LARP1: variants seen among roughly 807,000 people sequenced by gnomAD.
LARP1 encodes the protein La ribonucleoprotein 1, translational regulator, also known as la-related protein 1.
A neutral mutation model predicts 122.7 loss-of-function variants in LARP1; 36 were observed. The observed-to-expected ratio is 0.29, with a 90% CI of 0.22 to 0.39. LARP1 has a LOEUF of 0.39. Ranked by LOEUF, LARP1 falls within the 10% of genes least tolerant of loss-of-function variation. The pLI is 1.00. For missense variants in LARP1, 1,040 were observed against 1,403.6 expected, an observed-to-expected ratio of 0.74 and a Z score of 4.14; for synonymous variants, 539 against 528.7, an observed-to-expected ratio of 1.02 and a Z score of -0.27.
At chr5:154,749,933 A>G (rs758091549) in intron 1 of LARP1, among the ~76,000 whole-genome samples, 7 of 152,218 alleles carry the variant, frequency 4.6e-5, no homozygotes, top group Non-Finnish European at 1.0e-4. Context: ...TCCCCCTCCA[A>G]TAGAATAAAA....
chr5:154,808,825 C>T (rs1759007825), intron 16 of LARP1, among the ~76,000 whole-genome samples: 1 of 152,180 alleles, frequency 6.6e-6, no homozygotes, highest in East Asian at 1.9e-4. Flanking sequence ...CCCTGTCCCC[C>T]ACCCATCTGG....
At chr5:154,706,221 GA>G in intron 1 of LARP1, among the ~76,000 whole-genome samples, 1 of 151,930 alleles carries the variant, frequency 6.6e-6, no homozygotes, top group East Asian at 1.9e-4. Flanking sequence ...TTGAACCTGA[GA>G]GGCAGAGGTT....
chr5:154,792,646 A>T lies in LARP1; in HGVS notation c.589A>T (p.Thr197Ser), dbSNP rs1582426890. ...GCCACAGTCCCACAAGCCTCAGCCT[A>T]CCCGTAAACTGCCACCCAAGAAGGA... ...VQPQSHKPQP[T>S]RKLPPKKDMK... Residue 197 changes from threonine (T) to serine (S), a missense_variant, in exon 4 of 19, where the codon ACC (threonine) becomes TCC (serine). By Grantham distance (58) the Thr-to-Ser change is moderately conservative. This residue lies in a region of LARP1 where 257 missense variants were observed against 273.3 expected (regional missense o/e 0.94). Coordinates refer to ENST00000518297, the MANE Select transcript of LARP1 (RefSeq NM_033551.3). 1 of 1,614,114 alleles carries T rather than the reference A, an allele frequency of 6.2e-7. No individual in the cohort carries two copies. The highest frequency in any genetic ancestry group is 8.5e-7 in the Non-Finnish European group (1 of 1,179,992).
chr5:154,781,803 C>T (rs76817289), intron 1 of LARP1, among the ~76,000 whole-genome samples: 9,510 of 152,238 alleles, frequency 0.062, 402 homozygotes, highest in Middle Eastern at 0.092. Context: ...GTGTGTTTTA[C>T]GTGTGGCCCA....
At chr5:154,790,250 G>A in intron 1 of LARP1, 75 bp from the exon 2 acceptor site, 1 of 1,273,404 alleles carries the variant, frequency 7.9e-7, no homozygotes. Flanking sequence ...TGGGGACGGT[G>A]ATGAGGGTGA....
rs1759490358 is a variant in LARP1 at position 154,813,961 on chromosome 5, G to A, written c.3156G>A (p.Lys1052=). The A allele has an allele frequency of 6.2e-7, 1 of 1,613,964 alleles. No homozygotes were observed. Among genetic ancestry groups the A allele is most frequent in the African/African-American group, 1.3e-5 (1 of 74,884 alleles). Residue 1052 remains lysine, a synonymous_variant, in exon 19 of 19, where the codon AAG becomes AAA. Coordinates refer to ENST00000518297, the MANE Select transcript of LARP1 (RefSeq NM_033551.3). ...VAGGGGGEGR[K]RCPSQSSSRP... ...GAGGTGGCGGCGGTGAGGGCAGGAA[G>A]CGGTGCCCCTCCCAGTCTTCCAGCA...
chr5:154,701,244 C>T (rs1014146457), intron 1 of LARP1, among the ~76,000 whole-genome samples: 2 of 152,194 alleles, frequency 1.3e-5, no homozygotes, highest in Non-Finnish European at 1.5e-5. Flanking sequence ...AGCTAAGTAA[C>T]GCCCCATTGC....
At chr5:154,731,192 A>G (rs773685143) in intron 1 of LARP1, among the ~76,000 whole-genome samples, 3 of 151,920 alleles carry the variant, frequency 2.0e-5, no homozygotes, top group Non-Finnish European at 2.9e-5. Flanking sequence ...GTGAAAGGAG[A>G]AAAAAAACAC....
At chr5:154,810,988 G>A (rs1269699611) in intron 16 of LARP1, among the ~76,000 whole-genome samples, 1 of 152,170 alleles carries the variant, frequency 6.6e-6, no homozygotes, top group Non-Finnish European at 1.5e-5. Context: ...GTAGCAGAAA[G>A]CAACCATAGA....
At chr5:154,742,895 G>A (rs1752977310) in intron 1 of LARP1, among the ~76,000 whole-genome samples, 1 of 152,134 alleles carries the variant, frequency 6.6e-6, no homozygotes, top group South Asian at 2.1e-4. Flanking sequence ...GAACTGGAAA[G>A]CAGCCCTTTT....
intron 8 of LARP1, among the ~76,000 whole-genome samples, chr5:154,797,238 T>G (rs1444802991): frequency 7.4e-6 from 1 of 134,638 alleles, no homozygotes; most frequent in Non-Finnish European, 1.6e-5. Flanking sequence ...TTTTTTTTTT[T>G]TTTTTTTTTT....
Position 154,755,971 on chromosome 5 carries a change from G to A in LARP1, c.214G>A (p.Glu72Lys). 1.0e-6 allele frequency: 1 copy of A among 1,003,512 alleles called. No individual in the cohort carries two copies. Among genetic ancestry groups the A allele is most frequent in the Non-Finnish European group, 1.2e-6 (1 of 843,702 alleles). The allele number at this position is 1,003,512 out of a possible 1,614,324, so 62.2% of individuals were successfully genotyped here. ...GCACAAGGAGGGCACCGGGCAGCAGGAGCGCGAGAGCCCGCGGCCGCTGCA... is the reference window on the plus strand; with the variant it reads ...GCACAAGGAGGGCACCGGGCAGCAGAAGCGCGAGAGCCCGCGGCCGCTGCA... Reference protein sequence around the residue: ...KPHKEGTGQQERESPRPLQLP... With the variant: ...KPHKEGTGQQKRESPRPLQLP... Residue 72 changes from glutamate to lysine, a missense_variant, in exon 1 of 19, where the codon GAG (glutamate) becomes AAG (lysine). Coordinates refer to ENST00000518297, the MANE Select transcript of LARP1 (RefSeq NM_033551.3).
At chr5:154,783,521 C>A (rs1756628829) in intron 1 of LARP1, among the ~76,000 whole-genome samples, 1 of 152,168 alleles carries the variant, frequency 6.6e-6, no homozygotes, top group Non-Finnish European at 1.5e-5. Flanking sequence ...TAACTTATAC[C>A]CCTTAGCTTC....
In LARP1 at chr5:154,797,234, T is replaced by G. The variant is rs1416160743; in HGVS notation, c.1377+1915T>G. ...TTTGTTGTTGTTGTTTTTTTTTTTT[T>G]TTTTTTTTTTTTTTTTGAGACAGAG... On this transcript the variant is annotated intron_variant, in intron 8 of 18. Transcript: ENST00000518297. Among the ~76,000 whole-genome samples, 180 of 132,062 alleles carry G rather than the reference T, an allele frequency of 1.4e-3. 1 individual carries two copies. Among genetic ancestry groups the G allele is most frequent in the African/African-American group, 4.6e-3 (159 of 34,940 alleles). The allele number at this position is 132,062 out of a possible 152,430, so 86.6% of individuals were successfully genotyped here. A position where few individuals can be genotyped will look rare whatever the true frequency, so the allele number is the denominator to read the frequency against.
At chr5:154,760,582 T>TG (rs1754370183) in intron 1 of LARP1, among the ~76,000 whole-genome samples, 1 of 152,146 alleles carries the variant, frequency 6.6e-6, no homozygotes, top group African/African-American at 2.4e-5. Flanking sequence ...TTACAGTGTC[T>TG]GAAAGCACAC....
chr5:154,687,263 T>C (rs1753979391), intron 1 of LARP1, among the ~76,000 whole-genome samples: 1 of 152,236 alleles, frequency 6.6e-6, no homozygotes, highest in Non-Finnish European at 1.5e-5. Flanking sequence ...TTGGAGAACA[T>C]AGAAAAATAA....
Position 154,792,367 on chromosome 5 carries a change from G to A in LARP1, c.565-255G>A, listed in dbSNP as rs146193348. ...TTTTGCCCCTGTGAGCCTCAGCACC[G>A]CTGTCCTGAAGGTTGTCTCTGTCAC... is the stretch of plus-strand genomic sequence containing the variant. On this transcript the variant is annotated intron_variant, in intron 3 of 18. Coordinates refer to ENST00000518297, the MANE Select transcript of LARP1 (RefSeq NM_033551.3). Among the ~76,000 whole-genome samples, 4 of 152,280 alleles carry A rather than the reference G, an allele frequency of 2.6e-5. No homozygotes were observed. In the East Asian group the frequency reaches 7.7e-4, roughly 29 times the overall value.
intron 1 of LARP1, among the ~76,000 whole-genome samples, chr5:154,789,527 A>G (rs918003048): frequency 6.6e-6 from 1 of 152,160 alleles, no homozygotes; most frequent in Non-Finnish European, 1.5e-5. Flanking sequence ...GGCCACAAAC[A>G]AAGTTTTCAT....
At chr5:154,769,164 T>C (rs1472140457) in intron 1 of LARP1, among the ~76,000 whole-genome samples, 1 of 152,116 alleles carries the variant, frequency 6.6e-6, no homozygotes, top group Non-Finnish European at 1.5e-5. Context: ...AATGGATGGG[T>C]TGCATGGTAT....
Sources: gnomAD v4.1 joint callset for allele counts (sites outside exome capture counted in the v4.1 genomes callset) on GRCh38, gnomAD v4.1.1 for gene constraint, gnomAD v4.1.1 regional missense constraint, MANE v1.5 for transcripts, NCBI Gene and HGNC (gene_info 2026-07-23, HGNC 2026-07-21) for gene names.